Variants in MLYCD observed in about 807,000 individuals in gnomAD.
MLYCD encodes the protein malonyl-CoA decarboxylase, mitochondrial.
MLYCD carries 27 observed loss-of-function variants against 35.8 expected under a neutral mutation model. The ratio of observed to expected loss-of-function variants is 0.75; its 90% CI spans 0.56 to 1.04. The LOEUF (loss-of-function observed/expected upper bound fraction) is 1.04. Among genes scored for constraint, MLYCD ranks in the 50% least tolerant of loss-of-function variants. The pLI, the probability that MLYCD is intolerant of heterozygous loss-of-function variation, is 0.00. For missense variants in MLYCD, 917 were observed against 665.1 expected (o/e 1.38, Z -4.17); for synonymous variants, 403 against 302.4 (o/e 1.33, Z -3.45).
chr16:83,904,842 T>G (rs1337996737), intron 1 of MLYCD, among the ~76,000 whole-genome samples: 1 of 152,160 alleles, frequency 6.6e-6, no homozygotes, highest in African/African-American at 2.4e-5. Context: ...ATTCAAAAGT[T>G]CCTCTTTACA....
At chr16:83,901,465 C>T (rs898395669) in intron 1 of MLYCD, among the ~76,000 whole-genome samples, 1 of 152,204 alleles carries the variant, frequency 6.6e-6, no homozygotes, top group Admixed American at 6.5e-5. Context: ...GTCTGCCCCA[C>T]ACTCAGTCAT....
chr16:83,905,833 C>T (rs12598884), intron 1 of MLYCD, among the ~76,000 whole-genome samples: 19,686 of 152,186 alleles, frequency 0.13, 1,406 homozygotes, highest in African/African-American at 0.19. Context: ...AAAAGGGGTA[C>T]AGCCATCGGG....
chr16:83,915,696 G>A lies in MLYCD; in HGVS notation c.*207G>A. ...CACCCAGTGCAAGACGGTTGTGGGT[G>A]CGGGTGCACACAAATGAGTGGGTTG... On this transcript the variant is annotated 3_prime_UTR_variant, in exon 5 of 5. Transcript: ENST00000262430. The A allele has an allele frequency of 6.9e-7, 1 of 1,453,334 alleles. No individual in the cohort carries two copies. The highest frequency in any genetic ancestry group is 9.1e-7 in the Non-Finnish European group (1 of 1,104,324). 90.0% of individuals were successfully genotyped at this position (1,453,334 alleles called of 1,614,324 possible). A position where few individuals can be genotyped will look rare whatever the true frequency, so the allele number is the denominator to read the frequency against.
At chr16:83,899,776 G>C in intron 1 of MLYCD, 104 bp downstream of exon 1, 2 of 1,325,390 alleles carry the variant, frequency 1.5e-6, no homozygotes, top group Non-Finnish European at 2.0e-6. Context: ...TTCCCTGCCC[G>C]ATAGCACGCT....
rs865849895 is a variant in MLYCD at position 83,915,768 on chromosome 16, C to G, written c.*279C>G. On this transcript the variant is annotated 3_prime_UTR_variant, in exon 5 of 5. Transcript: ENST00000262430. ...CTGTCGTTGCCCTTGGCCTGGCTCCCTGCCCGGGGCTGGTGCTGTGGTACC... is the reference window on the plus strand; with the variant it reads ...CTGTCGTTGCCCTTGGCCTGGCTCCGTGCCCGGGGCTGGTGCTGTGGTACC... 22 of 1,321,838 alleles carry G rather than the reference C, an allele frequency of 1.7e-5. No homozygotes were observed. The Middle Eastern group carries it at 1.2e-3, about 72-fold the overall frequency. The allele number at this position is 1,321,838 out of a possible 1,614,324, so 81.9% of individuals were successfully genotyped here. A position where few individuals can be genotyped will look rare whatever the true frequency, so the allele number is the denominator to read the frequency against.
intron 4 of MLYCD, chr16:83,912,818 T>C: frequency 3.6e-6 from 1 of 276,910 alleles, no homozygotes; most frequent in South Asian, 3.9e-5. Flanking sequence ...GCTGTTAGCT[T>C]GGGCCTTCTC....
chr16:83,911,051 C>G (rs181077010), intron 3 of MLYCD, among the ~76,000 whole-genome samples: 2 of 152,046 alleles, frequency 1.3e-5, no homozygotes, highest in Admixed American at 6.6e-5. Context: ...ATCTCGGCTC[C>G]CTGCAACCTC....
chr16:83,911,237 C>T (rs1907169473), intron 3 of MLYCD, among the ~76,000 whole-genome samples: 1 of 152,184 alleles, frequency 6.6e-6, no homozygotes, highest in African/African-American at 2.4e-5. Context: ...CTCGGCCTCC[C>T]AAAGTGCTGG....
At position 83,922,359 on chromosome 16, in the gene MLYCD, G is replaced by T. The variant is rs576609212; in HGVS notation, c.*6870G>T. ...CAGCTCCCTCCATCCCACCCACAGG[G>T]TTTCACAAGAGGCCCAGCCATGCAC... On this transcript the variant is annotated 3_prime_UTR_variant, in exon 5 of 5. Transcript: ENST00000262430. 3.3e-5 allele frequency: 5 copies of T among 152,418 alleles called. No homozygotes were observed. The highest frequency in any genetic ancestry group is 9.6e-5 in the African/African-American group (4 of 41,576). 9.4% of individuals were successfully genotyped at this position (152,418 alleles called of 1,614,324 possible).
At position 83,915,107 on chromosome 16, in the gene MLYCD, C is replaced by G; in HGVS notation, c.1100C>G (p.Thr367Arg). Reference sequence around the variant, plus strand: ...GAATGTAAGGAAATCTCGGAGATCACAGGTGGCCCCATTAACGAGACCCTC... The same window carrying G: ...GAATGTAAGGAAATCTCGGAGATCAGAGGTGGCCCCATTAACGAGACCCTC... ...DSECKEISEI[T>R]GGPINETLKL... The change falls in exon 5 of 5, where the codon ACA becomes AGA. Residue 367 changes from threonine (T) to arginine (R), a missense_variant. Coordinates refer to ENST00000262430, the MANE Select transcript of MLYCD (RefSeq NM_012213.3). The G allele has an allele frequency of 6.2e-7, 1 of 1,614,270 alleles. No individual in the cohort carries two copies. The highest frequency in any genetic ancestry group is 8.5e-7 in the Non-Finnish European group (1 of 1,180,054).
intron 1 of MLYCD, 25 bp downstream of exon 1, chr16:83,899,697 G>A (rs752383878): frequency 5.2e-5 from 77 of 1,492,022 alleles, no homozygotes; most frequent in African/African-American, 1.4e-5. Context: ...TCGATCCCCC[G>A]GCAGCGCGGA....
rs1037549013 is a variant in MLYCD at position 83,924,067 on chromosome 16, G to C, written c.*8578G>C. 2 of 152,216 alleles carry C rather than the reference G, an allele frequency of 1.3e-5. No homozygotes were observed. The highest frequency in any genetic ancestry group is 2.9e-5 in the Non-Finnish European group (2 of 68,104). The allele number at this position is 152,216 out of a possible 1,614,324, so 9.4% of individuals were successfully genotyped here. On this transcript the variant is annotated 3_prime_UTR_variant, in exon 5 of 5. Coordinates refer to ENST00000262430, the MANE Select transcript of MLYCD (RefSeq NM_012213.3). ...CCCTCGGCTGCCAGGGAGAGAAGCTGAGCTCCCACCAAAGCATAAAATCCA... is the reference window on the plus strand; with the variant it reads ...CCCTCGGCTGCCAGGGAGAGAAGCTCAGCTCCCACCAAAGCATAAAATCCA...
rs1452958886 is a variant in MLYCD at position 83,922,546 on chromosome 16, A to C, written c.*7057A>C. ...GCCCAGTTCAAATGCTGGCCCCACCACTTCCAGCTGGGTGGCCCAGGGCAA... is the reference window on the plus strand; with the variant it reads ...GCCCAGTTCAAATGCTGGCCCCACCCCTTCCAGCTGGGTGGCCCAGGGCAA... On this transcript the variant is annotated 3_prime_UTR_variant, in exon 5 of 5. Coordinates refer to ENST00000262430, the MANE Select transcript of MLYCD (RefSeq NM_012213.3). The C allele has an allele frequency of 2.0e-5, 3 of 152,188 alleles. No individual in the cohort carries two copies. Among genetic ancestry groups the C allele is most frequent in the Non-Finnish European group, 4.4e-5 (3 of 68,070 alleles). 9.4% of individuals were successfully genotyped at this position (152,188 alleles called of 1,614,324 possible).
intron 1 of MLYCD, among the ~76,000 whole-genome samples, chr16:83,902,556 A>C (rs930199838): frequency 7.4e-5 from 10 of 135,250 alleles, no homozygotes; most frequent in Admixed American, 1.7e-4. Flanking sequence ...CCCAGGCTGG[A>C]GTGCAGCAGC....
chr16:83,905,540 G>T (rs12598430), intron 1 of MLYCD, among the ~76,000 whole-genome samples: 1 of 152,002 alleles, frequency 6.6e-6, no homozygotes, highest in African/African-American at 2.4e-5. Context: ...TTGCTCTGCC[G>T]AGAAAAACCT....
chr16:83,909,601 A>C (rs181960532), intron 3 of MLYCD, among the ~76,000 whole-genome samples: 2 of 145,714 alleles, frequency 1.4e-5, no homozygotes, highest in African/African-American at 5.1e-5. Flanking sequence ...GCACCCTGTG[A>C]TTTAGGTGGT....
At chr16:83,913,089 T>C (rs1907237837) in intron 4 of MLYCD, 3 of 156,984 alleles carry the variant, frequency 1.9e-5, no homozygotes, top group African/African-American at 4.8e-5. Flanking sequence ...AGCAGGGTGT[T>C]CACTGTGTTG....
At chr16:83,907,966 T>G (rs1406341044) in intron 2 of MLYCD, among the ~76,000 whole-genome samples, 160 bp from the exon 3 acceptor site, 1 of 152,242 alleles carries the variant, frequency 6.6e-6, no homozygotes, top group Non-Finnish European at 1.5e-5. Flanking sequence ...CAGTGGGTGC[T>G]GTTTCTCATG....
chr16:83,910,985 T>G (rs1907157648), intron 3 of MLYCD, among the ~76,000 whole-genome samples: 1 of 152,200 alleles, frequency 6.6e-6, no homozygotes. Context: ...CTTTCTTTTT[T>G]TCTTTTTTTT....
Sources: allele counts gnomAD v4.1 joint callset (sites outside exome capture counted in the v4.1 genomes callset), GRCh38; gene constraint gnomAD v4.1.1; transcripts MANE v1.5; gene names NCBI Gene and HGNC (gene_info 2026-07-23, HGNC 2026-07-21).